Variants in DHX57 observed in about 807,000 individuals in gnomAD.
DHX57 encodes DExH-box helicase 57, also known as putative ATP-dependent RNA helicase DHX57.
In DHX57, 105 loss-of-function variants were observed where a neutral mutation model predicts 156.2. The observed-to-expected ratio is 0.67, with a 90% confidence interval of 0.57 to 0.79. The LOEUF is 0.79. Ranked by LOEUF, DHX57 falls within the 30% of genes least tolerant of loss-of-function variation. The pLI is 0.00. For missense variants in DHX57, 1,847 were observed against 1,661.9 expected (o/e 1.11, Z -1.94); for synonymous variants, 704 against 595.6 (o/e 1.18, Z -2.65).
At position 38,861,332 on chromosome 2, in the gene DHX57, A is replaced by G. The variant is rs1285008465; in HGVS notation, c.1078T>C (p.Ser360Pro). The G allele has an allele frequency of 5.0e-6, 8 of 1,613,840 alleles. No homozygotes were observed. In the East Asian group the frequency reaches 1.6e-4, roughly 31 times the overall value. ...TGGTAGGGATATTTGTGGTCTTTAG[A>G]AAATCGAATTTCAAGTTCATATAAA... Reference protein sequence around the residue: ...SFLYELEIRFSKDHKYPYQAP... With the variant: ...SFLYELEIRFPKDHKYPYQAP... Residue 360 changes from serine to proline, a missense_variant, in exon 5 of 24, where the codon TCT becomes CCT. By Grantham distance (74) the Ser-to-Pro change is moderately conservative. Transcript: ENST00000457308.
intron 23 of DHX57, among the ~76,000 whole-genome samples, chr2:38,799,012 G>T (rs1305595704): frequency 1.3e-5 from 2 of 152,152 alleles, no homozygotes; most frequent in East Asian, 3.9e-4. Flanking sequence ...CCATATTAAA[G>T]TTTGGTCAAT....
In DHX57 at chr2:38,861,811, T is replaced by G. The variant is rs1300284787; in HGVS notation, c.599A>C (p.Gln200Pro). 6.2e-7 allele frequency: 1 copy of G among 1,611,170 alleles called. No homozygotes were observed. The highest frequency in any genetic ancestry group is 8.5e-7 in the Non-Finnish European group (1 of 1,178,602). ...TCCATCACACATCCTCAGGACCGCT[T>G]GACAGCGTTCAGTATTGAAACCATA... is the stretch of plus-strand genomic sequence containing the variant. ...SRYGFNTERC[Q>P]AVLRMCDGDV... Residue 200 changes from glutamine (Q) to proline (P), a missense_variant, in exon 5 of 24, where the codon CAA (glutamine) becomes CCA (proline). Physicochemically the swap from Gln to Pro is moderately conservative, Grantham distance 76 (BLOSUM62 -1). Coordinates refer to ENST00000457308, the MANE Select transcript of DHX57 (RefSeq NM_198963.3).
chr2:38,833,195 T>G (rs1157996353), intron 13 of DHX57, among the ~76,000 whole-genome samples: 1 of 151,970 alleles, frequency 6.6e-6, no homozygotes, highest in Non-Finnish European at 1.5e-5. Flanking sequence ...CAGGCTGGAG[T>G]GCGGTGGCGC....
chr2:38,866,920 T>A (rs916853972), intron 2 of DHX57, among the ~76,000 whole-genome samples: 4 of 152,180 alleles, frequency 2.6e-5, no homozygotes, highest in African/African-American at 9.6e-5. Context: ...TCTATAGTAG[T>A]GTACAGTAAT....
intron 21 of DHX57, among the ~76,000 whole-genome samples, chr2:38,808,251 C>A (rs149059513): frequency 1.2e-3 from 185 of 151,976 alleles, no homozygotes; most frequent in African/African-American, 4.2e-3. Flanking sequence ...CTGCACCCAG[C>A]CAGTAAATAT....
chr2:38,826,724 C>T (rs1412606783), intron 14 of DHX57, 35 bp from the exon 15 acceptor site: 6 of 1,596,388 alleles, frequency 3.8e-6, no homozygotes, highest in South Asian at 3.4e-5. Flanking sequence ...AGTATTCTAG[C>T]ACCTAGCACC....
At position 38,868,335 on chromosome 2, in the gene DHX57, C is replaced by T. The variant is rs1273231500; in HGVS notation, c.71G>A (p.Arg24Lys). 1 of 1,613,902 alleles carries T rather than the reference C, an allele frequency of 6.2e-7. No homozygotes were observed. The highest frequency in any genetic ancestry group is 1.1e-5 in the South Asian group (1 of 91,070). ...GGGKGSSRGG[R>K]GGRSHASKSH... ...TTTACTGGCGTGACTCCTGCCTCCT[C>T]TTCCTCCTCTAGAAGACCCTTTTCC... Residue 24 changes from arginine to lysine, a missense_variant, in exon 2 of 24, where the codon AGA (arginine) becomes AAA (lysine). Physicochemically the swap from Arg to Lys is conservative, Grantham distance 26 (BLOSUM62 2). Transcript: ENST00000457308.
Position 38,861,483 on chromosome 2 carries a change from G to C in DHX57, c.927C>G (p.Leu309=), listed in dbSNP as rs769183166. 16 of 1,613,868 alleles carry C rather than the reference G, an allele frequency of 9.9e-6. No individual in the cohort carries two copies. The highest frequency in any genetic ancestry group is 1.3e-5 in the African/African-American group (1 of 74,898). The change falls in exon 5 of 24, where the codon CTC becomes CTG. Residue 309 remains leucine, a synonymous_variant. Coordinates refer to ENST00000457308, the MANE Select transcript of DHX57 (RefSeq NM_198963.3). The part of the protein sequence containing the change: ...ENSLEICKFY[L]KGNCKFGSKC... ...TTGATCCAAATTTACAATTTCCTTT[G>C]AGGTAAAATTTACAGATTTCAAGTG...
chr2:38,804,138 C>G (rs1174624950), intron 22 of DHX57, among the ~76,000 whole-genome samples: 1 of 152,178 alleles, frequency 6.6e-6, no homozygotes, highest in Non-Finnish European at 1.5e-5. Context: ...GCTGTCCCCA[C>G]TTCTAGTTTT....
chr2:38,824,189 A>T (rs1304476655), intron 16 of DHX57, among the ~76,000 whole-genome samples: 3 of 152,194 alleles, frequency 2.0e-5, no homozygotes, highest in Non-Finnish European at 4.4e-5. Flanking sequence ...AAAAAGAAAG[A>T]AATTCTGCAA....
Position 38,861,274 on chromosome 2 carries a change from T to C in DHX57, c.1136A>G (p.Glu379Gly), listed in dbSNP as rs375889295. The C allele has an allele frequency of 6.2e-7, 1 of 1,614,220 alleles. No individual in the cohort carries two copies. Among genetic ancestry groups the C allele is most frequent in the African/African-American group, 1.3e-5 (1 of 75,052 alleles). Residue 379 changes from glutamate to glycine, a missense_variant, in exon 5 of 24, where the codon GAG becomes GGG. Coordinates refer to ENST00000457308, the MANE Select transcript of DHX57 (RefSeq NM_198963.3). The stretch of plus-strand genomic sequence containing the variant: ...TAAACGACAAGCCAGAGGTAGGTTC[T>C]CATTGGTGGAATAAAATGCCACGAG... ...APLVAFYSTN[E>G]NLPLACRLHI...
chr2:38,867,608 G>C (rs1665145077), intron 2 of DHX57, among the ~76,000 whole-genome samples: 1 of 152,114 alleles, frequency 6.6e-6, no homozygotes, highest in Admixed American at 6.5e-5. Context: ...ACCCAGGCTG[G>C]AGTGCAGTGG....
chr2:38,846,486 G>C (rs1047135814), intron 11 of DHX57, among the ~76,000 whole-genome samples: 2 of 151,766 alleles, frequency 1.3e-5, no homozygotes, highest in African/African-American at 4.8e-5. Context: ...AGGCATGGGG[G>C]TGTGTGTCTG....
At chr2:38,836,931 C>A (rs1184980031) in intron 13 of DHX57, among the ~76,000 whole-genome samples, 3 of 152,042 alleles carry the variant, frequency 2.0e-5, no homozygotes, top group African/African-American at 7.2e-5. Context: ...TGGCTCATGG[C>A]AGCTTCCACC....
intron 12 of DHX57, among the ~76,000 whole-genome samples, chr2:38,840,119 A>T (rs182405193): frequency 6.6e-6 from 1 of 152,056 alleles, no homozygotes; most frequent in Admixed American, 6.6e-5. Flanking sequence ...TAATTTAAAA[A>T]TTTTTTTAAG....
Position 38,806,700 on chromosome 2 carries a change from A to T in DHX57, c.3682-7T>A. 6.2e-7 allele frequency: 1 copy of T among 1,612,518 alleles called. No homozygotes were observed. The highest frequency in any genetic ancestry group is 8.5e-7 in the Non-Finnish European group (1 of 1,179,486). ...TTCCTTCTGGGCTTTTCACCTAAAC[A>T]ACAAGTATTTGTAAAAATAGACATA... On this transcript the variant is annotated splice_polypyrimidine_tract_variant and splice_region_variant and intron_variant, in intron 21 of 23. Coordinates refer to ENST00000457308, the MANE Select transcript of DHX57 (RefSeq NM_198963.3).
intron 22 of DHX57, among the ~76,000 whole-genome samples, chr2:38,806,111 A>T (rs944153173): frequency 2.0e-5 from 3 of 152,240 alleles, no homozygotes; most frequent in Non-Finnish European, 4.4e-5. Context: ...AGGTGGCATG[A>T]TGAGGACCAA....
intron 19 of DHX57, among the ~76,000 whole-genome samples, chr2:38,818,426 C>G (rs1670652217): frequency 6.6e-6 from 1 of 152,132 alleles, no homozygotes; most frequent in South Asian, 2.1e-4. Context: ...ACTCAGGTGT[C>G]TGAGGCAGGA....
At chr2:38,858,864 A>G (rs1313171485) in intron 5 of DHX57, 28 bp from the exon 6 acceptor site, 6 of 1,591,800 alleles carry the variant, frequency 3.8e-6, no homozygotes, top group Admixed American at 1.9e-5. Flanking sequence ...AAAACATTTC[A>G]GTATGGAGCC....
Sources: allele counts gnomAD v4.1 joint callset (sites outside exome capture counted in the v4.1 genomes callset), GRCh38; gene constraint gnomAD v4.1.1; transcripts MANE v1.5; gene names NCBI Gene and HGNC (gene_info 2026-07-23, HGNC 2026-07-21).